Variants in PFKFB3 observed in about 807,000 individuals in gnomAD.
PFKFB3 encodes the protein 6-phosphofructo-2-kinase/fructose-2,6-biphosphatase 3, also known as 6-phosphofructo-2-kinase/fructose-2,6-bisphosphatase 3.
In PFKFB3, 33 loss-of-function variants were observed where a neutral mutation model predicts 68.0. That is an observed-to-expected ratio of 0.49 (90% confidence interval 0.37 to 0.65). The LOEUF is 0.65. Ranked by LOEUF, PFKFB3 falls within the 30% of genes least tolerant of loss-of-function variation. The pLI, the probability that PFKFB3 is intolerant of heterozygous loss-of-function variation, is 0.00. For synonymous variants in PFKFB3, 315 were observed against 288.2 expected (o/e 1.09, Z -0.94); for missense variants, 586 against 712.2 (o/e 0.82, Z 2.02).
chr10:6,226,597 C>T (rs758418887), intron 14 of PFKFB3: 44 of 551,434 alleles, frequency 8.0e-5, no homozygotes, highest in Non-Finnish European at 1.3e-4. Context: ...TGGGGGCTTT[C>T]CTTGCTGGTG....
At position 6,177,994 on chromosome 10, in the gene PFKFB3, A is replaced by G. The variant is rs550014967; in HGVS notation, c.16+32981A>G. Among the ~76,000 whole-genome samples, 153 of 152,278 alleles carry G rather than the reference A, an allele frequency of 1.0e-3. 4 individuals are homozygous for G. In the South Asian group the frequency reaches 0.031, roughly 31 times the overall value. On this transcript the variant is annotated intron_variant, in intron 1 of 14. Transcript: ENST00000379789. The stretch of plus-strand genomic sequence containing the variant: ...AGGTGCACACGTGAGGGTGGATATC[A>G]TGAGGGTGGCTGTCAAGAGGGTGGA...
In PFKFB3 at chr10:6,154,857, T is replaced by C. The variant is rs1841716565; in HGVS notation, c.16+9844T>C. On this transcript the variant is annotated intron_variant, in intron 1 of 14. Coordinates refer to the PFKFB3 transcript ENST00000379789. This position sits in a 1 kb window ranked among gnomAD's most constrained non-coding sequence, Gnocchi z 4.6. ...GCCGAGGCGGTCGAGGCCTGGGTTG[T>C]AGTGAGCTGCGGGGAGCCCGCACTG... is the stretch of plus-strand genomic sequence containing the variant. 1.3e-5 allele frequency among the ~76,000 whole-genome samples: 2 copies of C among 152,224 alleles called. No homozygotes were observed. The highest frequency in any genetic ancestry group is 4.1e-4 in the South Asian group (2 of 4,830).
intron 1 of PFKFB3, among the ~76,000 whole-genome samples, chr10:6,151,995 C>T (rs1278050927): frequency 6.6e-6 from 1 of 150,926 alleles, no homozygotes; most frequent in Non-Finnish European, 1.5e-5. Context: ...AAACCTGATG[C>T]CCCAGAAATT....
At chr10:6,177,594 C>T (rs1278430337) in intron 1 of PFKFB3, among the ~76,000 whole-genome samples, 5 of 148,840 alleles carry the variant, frequency 3.4e-5, no homozygotes, top group South Asian at 2.1e-4. Context: ...GGTGCGATCT[C>T]GGCTCACTAC....
At chr10:6,223,779 G>T (rs1342666895) in intron 11 of PFKFB3, among the ~76,000 whole-genome samples, 179 bp from the exon 12 acceptor site, 1 of 152,138 alleles carries the variant, frequency 6.6e-6, no homozygotes, top group Non-Finnish European at 1.5e-5. Flanking sequence ...ACCACACCCT[G>T]GCTAATTTTG....
At chr10:6,305,005 A>ATTTTTTTTTTTTTTTTTTTTTTTTTTT in the PFKFB3 span, among the ~76,000 whole-genome samples, 2 of 14,528 alleles carry the variant, frequency 1.4e-4, no homozygotes, top group African/African-American at 3.5e-4. Flanking sequence ...AATATTAGGA[A>ATTTTTTTTTTTTTTTTTTTTTTTTTTT]TTTTTTTTTT....
chr10:6,228,611 TC>T lies in PFKFB3; in HGVS notation c.1515+2248del, dbSNP rs1445380859. Among the ~76,000 whole-genome samples the T allele has an allele frequency of 2.0e-5, 3 of 152,124 alleles. No individual in the cohort carries two copies. Among genetic ancestry groups the T allele is most frequent in the African/African-American group, 7.2e-5 (3 of 41,418 alleles). Reference sequence around the variant, plus strand: ...AGGTGCCATTAGCCTTAAAGCCCCCTCCTGCCCCAGGAGTGTCCTTTGTTTT... The same window carrying T: ...AGGTGCCATTAGCCTTAAAGCCCCCTCTGCCCCAGGAGTGTCCTTTGTTTT... On this transcript the variant is annotated intron_variant, in intron 14 of 14. Transcript: ENST00000379775. The surrounding 1 kb of genome is among the most constrained non-coding windows in gnomAD (Gnocchi z 4.5).
intron 1 of PFKFB3, among the ~76,000 whole-genome samples, chr10:6,192,664 C>CGTGTGTGTGTGTGT (rs34129264): frequency 8.5e-5 from 11 of 128,878 alleles, no homozygotes; most frequent in South Asian, 2.7e-4. Context: ...TCCCCTCACC[C>CGTGTGTGTGTGTGT]GTGTGTGTGT....
the PFKFB3 span, among the ~76,000 whole-genome samples, chr10:6,290,719 G>A: frequency 1.3e-5 from 2 of 152,174 alleles, no homozygotes; most frequent in Admixed American, 1.3e-4. Flanking sequence ...GGCTAGACTG[G>A]TTTCGAACTC....
the PFKFB3 span, among the ~76,000 whole-genome samples, chr10:6,306,435 T>G: frequency 1.3e-5 from 2 of 152,244 alleles, no homozygotes; most frequent in Admixed American, 6.5e-5. Flanking sequence ...GGAAACAGGC[T>G]GTGTCTTCAG....
the PFKFB3 span, among the ~76,000 whole-genome samples, chr10:6,282,373 A>G: frequency 1.2e-4 from 18 of 152,294 alleles, 1 homozygote; most frequent in South Asian, 2.5e-3. Flanking sequence ...GGGCGGCTCA[A>G]TGTATGTTTC....
intron 11 of PFKFB3, among the ~76,000 whole-genome samples, 173 bp downstream of exon 11, chr10:6,223,157 G>A (rs1845085749): frequency 6.6e-6 from 1 of 152,158 alleles, no homozygotes; most frequent in Non-Finnish European, 1.5e-5. Context: ...TCTGTCCAGC[G>A]CTTCCTTGAA....
chr10:6,322,279 C>G, the PFKFB3 span, among the ~76,000 whole-genome samples: 1 of 152,146 alleles, frequency 6.6e-6, no homozygotes, highest in African/African-American at 2.4e-5. Context: ...TTTTCCTTTA[C>G]ACATTCGGCA....
chr10:6,262,848 C>G, the PFKFB3 span, among the ~76,000 whole-genome samples: 1 of 152,168 alleles, frequency 6.6e-6, no homozygotes, highest in Non-Finnish European at 1.5e-5. Context: ...AGCGAGGAGA[C>G]TCAGACTTCT....
At chr10:6,177,408 C>CTT (rs1454122984) in intron 1 of PFKFB3, among the ~76,000 whole-genome samples, 624 of 51,762 alleles carry the variant, frequency 0.012, no homozygotes, top group Non-Finnish European at 0.018. Context: ...TTCTTTCTTT[C>CTT]TTCTTTCTCT....
chr10:6,155,047 T>C (rs556800595), intron 1 of PFKFB3, among the ~76,000 whole-genome samples: 27 of 152,142 alleles, frequency 1.8e-4, no homozygotes, highest in Non-Finnish European at 3.5e-4. Context: ...CCCAGGTCAG[T>C]CATCAGACAG....
Position 6,183,620 on chromosome 10 carries a change from T to A in PFKFB3, c.17-30003T>A, listed in dbSNP as rs922032930. On this transcript the variant is annotated intron_variant, in intron 1 of 14. Coordinates refer to the PFKFB3 transcript ENST00000379789. ...CCTGGTCAAAAAAAAAAAAAATATA[T>A]ATATATATATATGTATATAAATAAT... 8.3e-3 allele frequency among the ~76,000 whole-genome samples: 1,083 copies of A among 130,846 alleles called. 12 individuals carry two copies. The highest frequency in any genetic ancestry group is 0.013 in the South Asian group (57 of 4,360). The allele number at this position is 130,846 out of a possible 152,430, so 85.8% of individuals were successfully genotyped here.
Position 6,229,239 on chromosome 10 carries a change from G to T in PFKFB3, c.1515+2874G>T, listed in dbSNP as rs1246158569. On this transcript the variant is annotated intron_variant, in intron 14 of 14. Coordinates refer to ENST00000379775, the MANE Select transcript of PFKFB3 (RefSeq NM_004566.4). This position sits in a 1 kb window ranked among gnomAD's most constrained non-coding sequence, Gnocchi z 4.3. ...GGGTGAAGGGCCAGAGGATGTACCA[G>T]TGTCCTCCATGTCCACGTTCCTTAA... 4.2e-6 allele frequency: 2 copies of T among 481,916 alleles called. No homozygotes were observed. Among genetic ancestry groups the T allele is most frequent in the Non-Finnish European group, 8.6e-6 (2 of 232,558 alleles). The allele number at this position is 481,916 out of a possible 1,614,324, so 29.9% of individuals were successfully genotyped here.
chr10:6,188,233 G>T (rs1334202745), intron 1 of PFKFB3, among the ~76,000 whole-genome samples: 6 of 151,752 alleles, frequency 4.0e-5, no homozygotes, highest in Non-Finnish European at 8.8e-5. Flanking sequence ...TATCATGATT[G>T]AAATCAGGAT....
Sources: allele counts gnomAD v4.1 joint callset (sites outside exome capture counted in the v4.1 genomes callset), GRCh38; gene constraint gnomAD v4.1.1; non-coding constraint Gnocchi (gnomAD v3.1); transcripts MANE v1.5; gene names NCBI Gene and HGNC (gene_info 2026-07-23, HGNC 2026-07-21).